CCDC7: variants seen among roughly 807,000 people sequenced by gnomAD.
The protein encoded by CCDC7 is coiled-coil domain-containing protein 7.
Under a neutral mutation model 196.9 loss-of-function variants are expected in CCDC7, and 183 were observed. That is an observed-to-expected ratio of 0.93 (90% CI 0.82 to 1.05). The LOEUF (loss-of-function observed/expected upper bound fraction) is 1.05, where lower values mean the gene tolerates loss of function less well. Ranked by LOEUF, CCDC7 falls within the 50% of genes least tolerant of loss-of-function variation. The pLI, the probability that CCDC7 is intolerant of heterozygous loss-of-function variation, is 0.00. For missense variants in CCDC7, 1,540 were observed against 1,482.2 expected (o/e 1.04, Z -0.64); for synonymous variants, 525 against 484.6 (o/e 1.08, Z -1.10).
chr10:32,653,456 G>C (rs982566026), intron 20 of CCDC7, among the ~76,000 whole-genome samples: 1 of 152,186 alleles, frequency 6.6e-6, no homozygotes, highest in African/African-American at 2.4e-5. Flanking sequence ...GTGTGAGACT[G>C]TACTTTCTGC....
intron 28 of CCDC7, among the ~76,000 whole-genome samples, chr10:32,764,493 A>G (rs1252386890): frequency 2.0e-5 from 3 of 151,818 alleles, no homozygotes; most frequent in Non-Finnish European, 4.4e-5. Context: ...TGCAGCATGG[A>G]GGTTAGAAAG....
upstream of CCDC7, among the ~76,000 whole-genome samples, chr10:32,449,712 C>T (rs1247265397): frequency 6.6e-6 from 1 of 152,150 alleles, no homozygotes; most frequent in African/African-American, 2.4e-5. Flanking sequence ...GTGTCATCCC[C>T]AAATTCGCAT....
intron 30 of CCDC7, among the ~76,000 whole-genome samples, chr10:32,805,535 A>T (rs751417861): frequency 1.3e-4 from 20 of 152,216 alleles, no homozygotes; most frequent in Non-Finnish European, 2.8e-4. Flanking sequence ...GCATGGTAAT[A>T]ATCTCTCAAC....
At chr10:32,708,692 T>G (rs1168517876) in intron 24 of CCDC7, among the ~76,000 whole-genome samples, 1 of 152,172 alleles carries the variant, frequency 6.6e-6, no homozygotes, top group African/African-American at 2.4e-5. Flanking sequence ...AAAGGAGACA[T>G]TTATGCAGCC....
chr10:32,816,199 T>TGGCTCGGAGGGTCCTGCGCCC lies in CCDC7; in HGVS notation c.3181+1747_3181+1767dup, dbSNP rs1185652733. Among the ~76,000 whole-genome samples, 9 of 152,222 alleles carry TGGCTCGGAGGGTCCTGCGCCC rather than the reference T, an allele frequency of 5.9e-5. No individual in the cohort carries two copies. In the East Asian group the frequency reaches 1.2e-3, roughly 20 times the overall value. On this transcript the variant is annotated intron_variant, in intron 31 of 41. Coordinates refer to ENST00000639629, the Ensembl canonical transcript of CCDC7. Reference sequence around the variant, plus strand: ...ACACCAGGAGATTATATCCTGCGCATGGCTCGGAGGGTCCTGCGCCCATGG... The same window carrying TGGCTCGGAGGGTCCTGCGCCC: ...ACACCAGGAGATTATATCCTGCGCATGGCTCGGAGGGTCCTGCGCCCGGCTCGGAGGGTCCTGCGCCCATGG...
intron 31 of CCDC7, among the ~76,000 whole-genome samples, chr10:32,818,136 G>C (rs2089236332): frequency 6.6e-6 from 1 of 152,142 alleles, no homozygotes; most frequent in African/African-American, 2.4e-5. Context: ...TAAAGGGATG[G>C]AGGAAGATCT....
At chr10:32,574,404 A>G (rs753195154) in intron 16 of CCDC7, 1 of 1,559,876 alleles carries the variant, frequency 6.4e-7, no homozygotes, top group East Asian at 2.4e-5. Context: ...TTATTCATCA[A>G]CCTTCATTTT....
At chr10:32,444,658 C>T (rs981724036), upstream of CCDC7, among the ~76,000 whole-genome samples, 6 of 152,150 alleles carry the variant, frequency 3.9e-5, no homozygotes, top group African/African-American at 9.7e-5. Context: ...TCATTTACAA[C>T]GGTTTTGGGA....
chr10:32,557,982 C>T (rs541099451), intron 13 of CCDC7, among the ~76,000 whole-genome samples: 12 of 152,264 alleles, frequency 7.9e-5, no homozygotes, highest in African/African-American at 2.6e-4. Context: ...TGTGGGCATG[C>T]ATTTTTTATA....
intron 4 of CCDC7, 33 bp downstream of exon 5, chr10:32,462,736 A>G (rs1255857282): frequency 2.9e-5 from 42 of 1,450,992 alleles, no homozygotes; most frequent in Admixed American, 7.4e-5. Context: ...TAAGCCTACT[A>G]AAACTTAACA....
intron 8 of CCDC7, among the ~76,000 whole-genome samples, chr10:32,490,980 C>T (rs1337619383): frequency 6.6e-6 from 1 of 152,098 alleles, no homozygotes; most frequent in Non-Finnish European, 1.5e-5. Context: ...CTCTGTTTGA[C>T]TTGGTTTCTT....
In CCDC7 at chr10:32,564,656, T is replaced by C. The variant is rs540103672; in HGVS notation, c.1135-902T>C. On this transcript the variant is annotated intron_variant, in intron 13 of 41. Transcript: ENST00000639629. Reference sequence around the variant, plus strand: ...TCACACTCTGGGGACTGTTGTGGGGTGGGGGGACGGGGGAGGGATAACATT... The same window carrying C: ...TCACACTCTGGGGACTGTTGTGGGGCGGGGGGACGGGGGAGGGATAACATT... Among the ~76,000 whole-genome samples the C allele has an allele frequency of 1.1e-3, 105 of 91,472 alleles. 3 individuals are homozygous for C. The highest frequency in any genetic ancestry group is 3.9e-3 in the Admixed American group (29 of 7,500). 60.0% of individuals were successfully genotyped at this position (91,472 alleles called of 152,430 possible).
chr10:32,528,804 T>C (rs1376895484), intron 11 of CCDC7, among the ~76,000 whole-genome samples: 1 of 131,044 alleles, frequency 7.6e-6, no homozygotes, highest in East Asian at 2.3e-4. Flanking sequence ...CTTTTATATA[T>C]ATATTTATAT....
intron 11 of CCDC7, among the ~76,000 whole-genome samples, chr10:32,530,103 G>T (rs1013307967): frequency 1.3e-5 from 2 of 152,042 alleles, no homozygotes; most frequent in African/African-American, 4.8e-5. Flanking sequence ...TTATTTCTGG[G>T]TTCTCCATTT....
exon 1 of CCDC7, chr10:32,446,170 C>G (rs973082603): frequency 6.4e-4 from 98 of 152,254 alleles, no homozygotes; most frequent in African/African-American, 2.3e-3. Flanking sequence ...GCGGCGGGTG[C>G]CCGGCGGTCT....
intron 20 of CCDC7, among the ~76,000 whole-genome samples, chr10:32,663,783 T>C (rs990191613): frequency 2.0e-4 from 31 of 151,892 alleles, no homozygotes; most frequent in Admixed American, 9.8e-4. Context: ...TATGAATATA[T>C]ATTAATCTAA....
intron 28 of CCDC7, among the ~76,000 whole-genome samples, chr10:32,745,616 A>G (rs371484619): frequency 3.9e-4 from 60 of 152,152 alleles, no homozygotes; most frequent in African/African-American, 1.4e-3. Flanking sequence ...CTAAATACCT[A>G]ACACCAGCTA....
exon 2 of CCDC7, chr10:32,453,353 A>G: frequency 1.7e-5 from 25 of 1,496,862 alleles, no homozygotes; most frequent in Admixed American, 2.2e-5. Context: ...GGTTGTTTCC[A>G]CTTTGGAAGA....
At chr10:32,529,294 A>T (rs2049250960) in intron 11 of CCDC7, among the ~76,000 whole-genome samples, 1 of 152,206 alleles carries the variant, frequency 6.6e-6, no homozygotes, top group African/African-American at 2.4e-5. Flanking sequence ...TGCTGGGACT[A>T]CAGGCATGAG....
Sources: gnomAD v4.1 joint callset for allele counts (sites outside exome capture counted in the v4.1 genomes callset) on GRCh38, gnomAD v4.1.1 for gene constraint, MANE v1.5 for transcripts, NCBI Gene and HGNC (gene_info 2026-07-23, HGNC 2026-07-21) for gene names.